ARMC9: variants seen among roughly 807,000 people sequenced by gnomAD.
ARMC9 encodes armadillo repeat containing 9.
ARMC9 carries 94 observed loss-of-function variants against 107.0 expected under a neutral mutation model. The observed-to-expected ratio is 0.88, with a 90% CI of 0.74 to 1.04. The LOEUF (loss-of-function observed/expected upper bound fraction) is 1.04, where lower values mean the gene tolerates loss of function less well. ARMC9 is among the 50% of genes least tolerant of loss of function. The probability of loss-of-function intolerance (pLI) is 0.00; values close to 1 mark genes in which losing one functional copy is unlikely to be tolerated. For missense variants in ARMC9, 942 were observed against 1,030.1 expected, an observed-to-expected ratio of 0.91 and a Z score of 1.17; for synonymous variants, 380 against 396.9, an observed-to-expected ratio of 0.96 and a Z score of 0.51.
At chr2:231,296,451 A>G (rs1417936655) in intron 19 of ARMC9, among the ~76,000 whole-genome samples, 198 bp downstream of exon 19, 2 of 152,186 alleles carry the variant, frequency 1.3e-5, no homozygotes, top group Non-Finnish European at 2.9e-5. Context: ...CCCAGCGGCC[A>G]TGTTTGAAGA....
At chr2:231,330,954 A>G (rs1261295631) in intron 19 of ARMC9, among the ~76,000 whole-genome samples, 1 of 152,140 alleles carries the variant, frequency 6.6e-6, no homozygotes, top group African/African-American at 2.4e-5. Context: ...CAACCTGGGT[A>G]ACCTGGCAAA....
rs754737763 is a variant in ARMC9 at position 231,273,055 on chromosome 2, G to T, written c.1311G>T (p.Gly437=). ...TCATCACCAGGGAGAATGTTCTTGG[G>T]GCCCTGCAGAAGTTCAGTCTCAGGT... ...KDIITRENVL[G]ALQKFSLRRP... is the part of the protein sequence containing the mutation. The change falls in exon 14 of 25, where the codon GGG becomes GGT. Residue 437 remains glycine (G), a synonymous_variant. Coordinates refer to ENST00000611582, the MANE Select transcript of ARMC9 (RefSeq NM_001352754.2). 2 of 1,613,650 alleles carry T rather than the reference G, an allele frequency of 1.2e-6. No homozygotes were observed. Among genetic ancestry groups the T allele is most frequent in the African/African-American group, 2.7e-5 (2 of 74,888 alleles).
chr2:231,213,308 C>T (rs1256718454), intron 3 of ARMC9, among the ~76,000 whole-genome samples: 1 of 151,324 alleles, frequency 6.6e-6, no homozygotes, highest in African/African-American at 2.4e-5. Flanking sequence ...GGACTACAGG[C>T]ACATGTCACC....
At chr2:231,231,662 A>ATG (rs1456852498) in intron 7 of ARMC9, among the ~76,000 whole-genome samples, 1 of 148,396 alleles carries the variant, frequency 6.7e-6, no homozygotes, top group Admixed American at 6.7e-5. Flanking sequence ...GGGATTATAG[A>ATG]TGTGAGCCAC....
intron 19 of ARMC9, among the ~76,000 whole-genome samples, chr2:231,327,836 G>GTGCGGTGGCA (rs1258326080): frequency 6.6e-6 from 1 of 152,142 alleles, no homozygotes; most frequent in Non-Finnish European, 1.5e-5. Flanking sequence ...CCAGGCTGGA[G>GTGCGGTGGCA]TGCGGTGGCA....
At position 231,356,006 on chromosome 2, in the gene ARMC9, G is replaced by A. The variant is rs914004798; in HGVS notation, c.2131+72G>A. On this transcript the variant is annotated intron_variant, in intron 22 of 24. Coordinates refer to ENST00000611582, the MANE Select transcript of ARMC9 (RefSeq NM_001352754.2). ...CTAGAACCTACGCAAAACAGCAGCA[G>A]GAGTGGCAGACGCACGTCTGCTCCT... The A allele has an allele frequency of 4.7e-6, 7 of 1,476,184 alleles. No homozygotes were observed. The African/African-American group carries it at 7.0e-5, about 15-fold the overall frequency. 91.4% of individuals were successfully genotyped at this position (1,476,184 alleles called of 1,614,324 possible).
intron 19 of ARMC9, among the ~76,000 whole-genome samples, chr2:231,308,129 A>G (rs924817943): frequency 6.6e-6 from 1 of 152,202 alleles, no homozygotes; most frequent in Non-Finnish European, 1.5e-5. Flanking sequence ...CCTTCAGAGG[A>G]CTACTCTGGC....
intron 19 of ARMC9, among the ~76,000 whole-genome samples, chr2:231,296,675 G>A (rs1168841280): frequency 6.6e-6 from 1 of 152,200 alleles, no homozygotes; most frequent in East Asian, 1.9e-4. Flanking sequence ...CAGAGCTAAC[G>A]GAACTGACCA....
chr2:231,249,093 C>G (rs898233077), intron 9 of ARMC9, among the ~76,000 whole-genome samples: 3 of 152,320 alleles, frequency 2.0e-5, no homozygotes, highest in Non-Finnish European at 4.4e-5. Context: ...CAGGGGCTCA[C>G]TGGTAGCCTC....
intron 10 of ARMC9, 29 bp from the exon 11 acceptor site, chr2:231,258,962 T>C: frequency 6.3e-7 from 1 of 1,581,024 alleles, no homozygotes; most frequent in Non-Finnish European, 8.7e-7. Flanking sequence ...TGCCCTTTTC[T>C]TTCTCTTTGA....
chr2:231,277,548 C>T (rs200062008), intron 15 of ARMC9, among the ~76,000 whole-genome samples: 22 of 133,242 alleles, frequency 1.7e-4, no homozygotes, highest in African/African-American at 5.6e-4. Context: ...AAATAGCATG[C>T]AAAAAGTCCT....
At chr2:231,366,815 T>TG (rs1429428584) in intron 23 of ARMC9, among the ~76,000 whole-genome samples, 1 of 150,212 alleles carries the variant, frequency 6.7e-6, no homozygotes, top group African/African-American at 2.5e-5. Context: ...CACTCCAGCC[T>TG]GGTGATAGAG....
At chr2:231,365,664 C>T (rs1411484245) in intron 23 of ARMC9, among the ~76,000 whole-genome samples, 3 of 139,662 alleles carry the variant, frequency 2.1e-5, no homozygotes, top group Non-Finnish European at 4.9e-5. Flanking sequence ...TAGGAACCAG[C>T]CGCACACACA....
At chr2:231,314,976 G>T (rs753494852) in intron 19 of ARMC9, among the ~76,000 whole-genome samples, 25 of 152,040 alleles carry the variant, frequency 1.6e-4, no homozygotes, top group Non-Finnish European at 1.3e-4. Flanking sequence ...GGCCGGGTGC[G>T]GTGGCCATAA....
chr2:231,276,484 T>G (rs1012338131), intron 14 of ARMC9, 152 bp from the exon 15 acceptor site: 9 of 994,912 alleles, frequency 9.0e-6, no homozygotes, highest in Non-Finnish European at 1.3e-5. Flanking sequence ...TGGCCAGGCT[T>G]GTCTCCAACT....
rs924721336 is a variant in ARMC9, at chr2:231,320,224, C to T, written c.1774-11569C>T. Among the ~76,000 whole-genome samples, 9 of 152,110 alleles carry T rather than the reference C, an allele frequency of 5.9e-5. No individual in the cohort carries two copies. The South Asian group carries it at 1.0e-3, about 18-fold the overall frequency. On this transcript the variant is annotated intron_variant, in intron 19 of 24. Transcript: ENST00000611582. ...CAAAGAGCTTCTTCATCCTCGTGTC[C>T]TTATATGCCCTTGAGTGCTTCTCTG...
At chr2:231,222,487 G>C (rs1459351502) in intron 5 of ARMC9, among the ~76,000 whole-genome samples, 1 of 152,052 alleles carries the variant, frequency 6.6e-6, no homozygotes, top group Non-Finnish European at 1.5e-5. Flanking sequence ...TCATGTTCAG[G>C]GTTATTTTTT....
rs772906167 is a variant in ARMC9, at chr2:231,206,209, G to T, written c.-30G>T. ...TTTTTGCCTTCTAGAGATTTTTGCT[G>T]TGAGAATTAATTACCAGTAACAGTT... is the stretch of plus-strand genomic sequence containing the variant. On this transcript the variant is annotated 5_prime_UTR_variant, in exon 2 of 25. Transcript: ENST00000611582. 1.2e-6 allele frequency: 2 copies of T among 1,602,966 alleles called. No individual in the cohort carries two copies. Among genetic ancestry groups the T allele is most frequent in the South Asian group, 1.1e-5 (1 of 90,444 alleles).
Position 231,297,620 on chromosome 2 carries a change from T to G in ARMC9, c.1773+1367T>G, listed in dbSNP as rs1285240645. Among the ~76,000 whole-genome samples, 1 of 152,214 alleles carries G rather than the reference T, an allele frequency of 6.6e-6. No homozygotes were observed. The highest frequency in any genetic ancestry group is 1.5e-5 in the Non-Finnish European group (1 of 68,040). On this transcript the variant is annotated intron_variant, in intron 19 of 24. Transcript: ENST00000611582. The surrounding 1 kb of genome is among the most constrained non-coding windows in gnomAD (Gnocchi z 4.2). ...TACAATTTTTGCATGTCATTAAATA[T>G]TCTTTCAAATACTTAAAAACACAAA...
Sources: allele counts gnomAD v4.1 joint callset (sites outside exome capture counted in the v4.1 genomes callset), GRCh38; gene constraint gnomAD v4.1.1; non-coding constraint Gnocchi (gnomAD v3.1); transcripts MANE v1.5; gene names NCBI Gene and HGNC (gene_info 2026-07-23, HGNC 2026-07-21).